SMYD3: variants seen among roughly 807,000 people sequenced by gnomAD.
SMYD3 encodes histone-lysine N-methyltransferase SMYD3.
SMYD3 carries 36 observed loss-of-function variants against 57.7 expected under a neutral mutation model. The observed-to-expected ratio is 0.62, with a 90% confidence interval of 0.48 to 0.82. The LOEUF (loss-of-function observed/expected upper bound fraction) is 0.82. Among genes scored for constraint, SMYD3 ranks in the 40% least tolerant of loss-of-function variants. The pLI is 0.00. For synonymous variants in SMYD3, 211 were observed against 195.0 expected, an observed-to-expected ratio of 1.08 and a Z score of -0.68; for missense variants, 515 against 538.8, an observed-to-expected ratio of 0.96 and a Z score of 0.44.
intron 1 of SMYD3, among the ~76,000 whole-genome samples, chr1:246,396,085 G>T (rs2066666895): frequency 6.6e-6 from 1 of 151,620 alleles, no homozygotes; most frequent in South Asian, 2.1e-4. Flanking sequence ...GAGAGTGAGG[G>T]TCACTATATC....
At chr1:246,358,037 T>C (rs902389028) in intron 1 of SMYD3, among the ~76,000 whole-genome samples, 1 of 152,118 alleles carries the variant, frequency 6.6e-6, no homozygotes, top group Non-Finnish European at 1.5e-5. Flanking sequence ...TGGATAAGAA[T>C]TCACCAACTA....
At chr1:246,506,814 G>A (rs1033073220) in intron 1 of SMYD3, among the ~76,000 whole-genome samples, 16 of 137,254 alleles carry the variant, frequency 1.2e-4, no homozygotes, top group African/African-American at 4.5e-4. Flanking sequence ...CAGGTTGGGG[G>A]GCAGTGGCTG....
intron 5 of SMYD3, chr1:246,326,667 G>A: frequency 6.1e-6 from 2 of 330,034 alleles, no homozygotes; most frequent in Non-Finnish European, 1.1e-5. Context: ...AGAATGCTGA[G>A]GCATGAGACT....
At chr1:245,814,483 T>C in intron 10 of SMYD3, 6 of 775,702 alleles carry the variant, frequency 7.7e-6, no homozygotes, top group Non-Finnish European at 9.4e-6. Context: ...ATAAAAAGAA[T>C]GCTACTGTTA....
chr1:246,122,755 G>A (rs961788509), intron 5 of SMYD3, among the ~76,000 whole-genome samples: 7 of 152,142 alleles, frequency 4.6e-5, no homozygotes, highest in African/African-American at 1.7e-4. Flanking sequence ...TGACCAGGCC[G>A]AACTCAGCTG....
intron 1 of SMYD3, among the ~76,000 whole-genome samples, chr1:246,451,994 G>A (rs2067640696): frequency 6.6e-6 from 1 of 152,164 alleles, no homozygotes; most frequent in South Asian, 2.1e-4. Flanking sequence ...TGAAGTGGCT[G>A]TAAAGAAGCC....
At chr1:245,978,548 G>GA (rs1436756343) in intron 5 of SMYD3, among the ~76,000 whole-genome samples, 5 of 151,858 alleles carry the variant, frequency 3.3e-5, no homozygotes, top group East Asian at 3.9e-4. Context: ...ATCTTTATTA[G>GA]AAAAAAAATA....
chr1:246,215,931 C>T (rs1325558642), intron 5 of SMYD3, among the ~76,000 whole-genome samples: 1 of 152,078 alleles, frequency 6.6e-6, no homozygotes, highest in Non-Finnish European at 1.5e-5. Flanking sequence ...TATACTCTAA[C>T]AGTCAATAAC....
chr1:245,868,720 T>C (rs2052016429), intron 8 of SMYD3, among the ~76,000 whole-genome samples: 1 of 152,312 alleles, frequency 6.6e-6, no homozygotes, highest in Middle Eastern at 3.4e-3. Context: ...CACTCACTAA[T>C]AGCTATCACC....
chr1:246,131,186 C>A (rs1233427259), intron 5 of SMYD3, among the ~76,000 whole-genome samples: 1 of 152,180 alleles, frequency 6.6e-6, no homozygotes, highest in Non-Finnish European at 1.5e-5. Context: ...AACACACATA[C>A]ATTTTATCTT....
chr1:246,233,202 TC>T (rs2063447749), intron 5 of SMYD3, among the ~76,000 whole-genome samples: 1 of 54,456 alleles, frequency 1.8e-5, no homozygotes. Context: ...AAGCACTCCT[TC>T]AATTCACACT....
intron 1 of SMYD3, among the ~76,000 whole-genome samples, chr1:246,410,043 T>C (rs1453040708): frequency 6.6e-6 from 1 of 152,214 alleles, no homozygotes; most frequent in Non-Finnish European, 1.5e-5. Flanking sequence ...ACTGCTGAAG[T>C]TGCTTATCAG....
intron 5 of SMYD3, among the ~76,000 whole-genome samples, chr1:246,132,566 T>C (rs1025569457): frequency 6.6e-6 from 1 of 152,098 alleles, no homozygotes; most frequent in Non-Finnish European, 1.5e-5. Flanking sequence ...CTTCATGGCA[T>C]TGGCTTGAGC....
At chr1:246,348,490 T>G (rs552170138) in intron 2 of SMYD3, among the ~76,000 whole-genome samples, 2 of 151,972 alleles carry the variant, frequency 1.3e-5, no homozygotes, top group Non-Finnish European at 2.9e-5. Flanking sequence ...CTAAGCAAAG[T>G]AGCACAGAAA....
rs12027021 is a variant in SMYD3, at chr1:245,779,982, C to T, written c.1077-15833G>A. Among the ~76,000 whole-genome samples, 46 of 152,314 alleles carry T rather than the reference C, an allele frequency of 3.0e-4. No individual in the cohort carries two copies. The East Asian group carries it at 8.9e-3, about 29-fold the overall frequency. On this transcript the variant is annotated intron_variant, in intron 10 of 11. Coordinates refer to ENST00000490107, the MANE Select transcript of SMYD3 (RefSeq NM_001167740.2). ...ACTCGAAGCCAGTGTAGTACCACCT[C>T]ACACCCACTAGGATGGGGATAACCA... is the stretch of plus-strand genomic sequence containing the variant.
At chr1:245,793,476 C>T (rs191142138) in intron 10 of SMYD3, among the ~76,000 whole-genome samples, 13 of 152,222 alleles carry the variant, frequency 8.5e-5, no homozygotes, top group East Asian at 3.9e-4. Flanking sequence ...GCCAAGGCTC[C>T]GGCTTGCTTC....
intron 10 of SMYD3, among the ~76,000 whole-genome samples, chr1:245,774,067 C>T: frequency 8.0e-6 from 1 of 125,492 alleles, no homozygotes; most frequent in Non-Finnish European, 1.8e-5. Flanking sequence ...ATGTAGAACG[C>T]TCGATGAAAT....
intron 5 of SMYD3, among the ~76,000 whole-genome samples, chr1:246,045,886 A>G (rs1464020155): frequency 2.0e-5 from 3 of 152,222 alleles, no homozygotes; most frequent in Non-Finnish European, 4.4e-5. Context: ...GCTCATCACC[A>G]CTGGCCATCA....
intron 1 of SMYD3, among the ~76,000 whole-genome samples, chr1:246,506,125 G>C (rs570564758): frequency 2.0e-4 from 30 of 152,288 alleles, no homozygotes; most frequent in Admixed American, 3.3e-4. Context: ...TCTCAGACTG[G>C]CAGGTCTGAA....
Sources: allele counts gnomAD v4.1 joint callset (sites outside exome capture counted in the v4.1 genomes callset), GRCh38; gene constraint gnomAD v4.1.1; transcripts MANE v1.5; gene names NCBI Gene and HGNC (gene_info 2026-07-23, HGNC 2026-07-21).